Variants in SDC4 observed in about 807,000 individuals in gnomAD.
SDC4 encodes syndecan 4.
SDC4 carries 17 observed loss-of-function variants against 20.5 expected under a neutral mutation model. The observed-to-expected ratio is 0.83, with a 90% confidence interval of 0.57 to 1.25. SDC4 has a LOEUF of 1.25. Ranked by LOEUF, SDC4 falls within the 50% of genes most tolerant of loss-of-function variation. The pLI, the probability that SDC4 is intolerant of heterozygous loss-of-function variation, is 0.00. For synonymous variants in SDC4, 107 were observed against 105.3 expected (o/e 1.02, Z -0.10); for missense variants, 241 against 252.3 (o/e 0.96, Z 0.30).
At chr20:45,347,657 T>C (rs974364511) in intron 1 of SDC4, among the ~76,000 whole-genome samples, 1 of 152,068 alleles carries the variant, frequency 6.6e-6, no homozygotes, top group Non-Finnish European at 1.5e-5. Flanking sequence ...AAACCATTCC[T>C]CTCCTCTGTC....
At chr20:45,343,964 T>C (rs1406261632) in intron 1 of SDC4, among the ~76,000 whole-genome samples, 1 of 152,188 alleles carries the variant, frequency 6.6e-6, no homozygotes, top group African/African-American at 2.4e-5. Flanking sequence ...AGAGGTGGAC[T>C]TCGCACGTCT....
At chr20:45,343,221 G>A (rs1176394520) in intron 1 of SDC4, among the ~76,000 whole-genome samples, 1 of 152,142 alleles carries the variant, frequency 6.6e-6, no homozygotes, top group East Asian at 1.9e-4. Flanking sequence ...GGTTAAATGA[G>A]ACCCCAACTG....
chr20:45,333,086 G>T lies in SDC4; in HGVS notation c.200-17C>A. The T allele has an allele frequency of 6.2e-7, 1 of 1,613,732 alleles. No homozygotes were observed. The highest frequency in any genetic ancestry group is 8.5e-7 in the Non-Finnish European group (1 of 1,179,598). ...CCAAGTCATCTGTAAGGTCAGAATA[G>T]CTGTGTGAGTGAGGTCCATTACCCC... On this transcript the variant is annotated splice_polypyrimidine_tract_variant and intron_variant, in intron 2 of 4. Coordinates refer to ENST00000372733, the MANE Select transcript of SDC4 (RefSeq NM_002999.4).
chr20:45,336,473 T>C (rs1328766136), intron 1 of SDC4, among the ~76,000 whole-genome samples: 2 of 152,224 alleles, frequency 1.3e-5, no homozygotes, highest in Admixed American at 6.5e-5. Context: ...CTAGATATCC[T>C]TTACCGAGCA....
At chr20:45,337,135 G>A (rs566267590) in intron 1 of SDC4, among the ~76,000 whole-genome samples, 45 of 152,316 alleles carry the variant, frequency 3.0e-4, no homozygotes, top group African/African-American at 1.1e-3. Context: ...GCTCCACCGA[G>A]TGGGAACAAT....
At chr20:45,348,284 C>T (rs1318694201) in intron 1 of SDC4, 41 bp downstream of exon 1, 7 of 1,537,450 alleles carry the variant, frequency 4.6e-6, no homozygotes, top group Non-Finnish European at 3.5e-6. Flanking sequence ...CCGGCCTGCG[C>T]CCCCGCTTCG....
intron 1 of SDC4, among the ~76,000 whole-genome samples, chr20:45,340,433 G>A (rs1279791099): frequency 4.6e-5 from 7 of 152,022 alleles, no homozygotes; most frequent in East Asian, 1.9e-4. Flanking sequence ...TCAAGAACAC[G>A]TCCCAACCAC....
At position 45,330,496 on chromosome 20, in the gene SDC4, T is replaced by C. The variant is rs764348767; in HGVS notation, c.315A>G (p.Lys105=). The C allele has an allele frequency of 1.9e-6, 3 of 1,614,158 alleles. No homozygotes were observed. Among genetic ancestry groups the C allele is most frequent in the Non-Finnish European group, 2.5e-6 (3 of 1,180,032 alleles). The stretch of plus-strand genomic sequence containing the variant: ...TGGGGATAACCTCATTCTCCTCTAG[T>C]TTCTTGGGTTCGGTGGGGACTTGGC... ...SGSQVPTEPK[K]LEENEVIPKR... is the part of the protein sequence containing the mutation. Residue 105 remains lysine (K), a synonymous_variant, in exon 4 of 5, where the codon AAA becomes AAG. Coordinates refer to ENST00000372733, the MANE Select transcript of SDC4 (RefSeq NM_002999.4).
chr20:45,330,447 T>C lies in SDC4; in HGVS notation c.364A>G (p.Ser122Gly), dbSNP rs1987759490. ...IPKRISPVEE[S>G]EDVSNKVSMS... ...GACACCTTGTTGGACACATCCTCACTCTCTTCAACGGGTGAGATTCTCTTG... is the reference window on the plus strand; with the variant it reads ...GACACCTTGTTGGACACATCCTCACCCTCTTCAACGGGTGAGATTCTCTTG... The change falls in exon 4 of 5, where the codon AGT (serine) becomes GGT (glycine). Residue 122 changes from serine (S) to glycine (G), a missense_variant. Coordinates refer to ENST00000372733, the MANE Select transcript of SDC4 (RefSeq NM_002999.4). The C allele has an allele frequency of 1.9e-5, 30 of 1,614,144 alleles. No homozygotes were observed. The highest frequency in any genetic ancestry group is 2.5e-5 in the Non-Finnish European group (30 of 1,179,986).
intron 1 of SDC4, among the ~76,000 whole-genome samples, chr20:45,347,852 T>A (rs1456357654): frequency 6.6e-6 from 1 of 151,836 alleles, no homozygotes; most frequent in African/African-American, 2.4e-5. Context: ...CTCCTTGGTG[T>A]GTGAAAGAGG....
intron 2 of SDC4, among the ~76,000 whole-genome samples, chr20:45,334,396 T>C (rs1987829680): frequency 6.6e-6 from 1 of 152,206 alleles, no homozygotes; most frequent in Admixed American, 6.5e-5. Context: ...TGTGAGATGA[T>C]GGATATATTA....
intron 3 of SDC4, among the ~76,000 whole-genome samples, chr20:45,332,343 T>G (rs1987790867): frequency 6.6e-6 from 1 of 151,900 alleles, no homozygotes; most frequent in South Asian, 2.1e-4. Flanking sequence ...GTATTTTTAG[T>G]AGAGATAGGG....
At chr20:45,328,504 G>A (rs1987729104) in intron 4 of SDC4, among the ~76,000 whole-genome samples, 1 of 152,216 alleles carries the variant, frequency 6.6e-6, no homozygotes, top group Non-Finnish European at 1.5e-5. Context: ...AACAGGAGGT[G>A]CTTAATAAAT....
At position 45,325,369 on chromosome 20, in the gene SDC4, G is replaced by C. The variant is rs1319471602; in HGVS notation, c.*1895C>G. On this transcript the variant is annotated 3_prime_UTR_variant, in exon 5 of 5. Coordinates refer to ENST00000372733, the MANE Select transcript of SDC4 (RefSeq NM_002999.4). ...CAGTGTGAGAGGTGCCTACAGAGGA[G>C]GTGCTCACTCCAACACAGCCCAAGG... is the stretch of plus-strand genomic sequence containing the variant. The C allele has an allele frequency of 6.5e-6, 1 of 152,726 alleles. No individual in the cohort carries two copies. Among genetic ancestry groups the C allele is most frequent in the African/African-American group, 2.4e-5 (1 of 41,456 alleles). 9.5% of individuals were successfully genotyped at this position (152,726 alleles called of 1,614,324 possible).
At chr20:45,346,954 T>C (rs1334150890) in intron 1 of SDC4, among the ~76,000 whole-genome samples, 2 of 152,230 alleles carry the variant, frequency 1.3e-5, no homozygotes, top group Non-Finnish European at 2.9e-5. Context: ...ATTTATTGTG[T>C]ATTAACTGTG....
chr20:45,348,338 C>A lies in SDC4; in HGVS notation c.47G>T (p.Gly16Val), dbSNP rs1321574175. The change falls in exon 1 of 5, where the codon GGA (glycine) becomes GTA (valine). Residue 16 changes from glycine to valine, a missense_variant. By Grantham distance (109) the Gly-to-Val change is moderately radical. Coordinates refer to ENST00000372733, the MANE Select transcript of SDC4 (RefSeq NM_002999.4). Reference sequence around the variant, plus strand: ...CCAAGCACCCACCGACTCGGCGACTCCGCCTACGAAGAACAGCAGCAGCGC... The same window carrying A: ...CCAAGCACCCACCGACTCGGCGACTACGCCTACGAAGAACAGCAGCAGCGC... ...LFALLLFFVG[G>V]VAESIRETEV... 6.3e-7 allele frequency: 1 copy of A among 1,590,642 alleles called. No individual in the cohort carries two copies. The highest frequency in any genetic ancestry group is 1.8e-5 in the Admixed American group (1 of 57,092).
At chr20:45,336,742 G>A (rs1252632065) in intron 1 of SDC4, among the ~76,000 whole-genome samples, 7 of 152,086 alleles carry the variant, frequency 4.6e-5, no homozygotes, top group African/African-American at 1.7e-4. Context: ...GTCTTGCCCA[G>A]TCCAGGATAC....
intron 1 of SDC4, 89 bp downstream of exon 1, chr20:45,348,236 C>CT (rs758450214): frequency 2.5e-5 from 5 of 202,606 alleles, no homozygotes; most frequent in Non-Finnish European, 3.3e-5. Flanking sequence ...CCCCGATCTG[C>CT]CCCCCCCCAT....
At position 45,330,388 on chromosome 20, in the gene SDC4, A is replaced by G. The variant is rs1324444023; in HGVS notation, c.423T>C (p.Phe141=). ...TACCTGCCAGGACCTCCGTTCTCTC[A>G]AAGATGTTGCTGCCCTGCACAGTGC... ...MSSTVQGSNI[F]ERTEVLAALI... is the part of the protein sequence containing the mutation. Residue 141 remains phenylalanine, a synonymous_variant, in exon 4 of 5, where the codon TTT becomes TTC. Coordinates refer to ENST00000372733, the MANE Select transcript of SDC4 (RefSeq NM_002999.4). 3.1e-6 allele frequency: 5 copies of G among 1,614,034 alleles called. No homozygotes were observed. In the African/African-American group the frequency reaches 6.7e-5, roughly 22 times the overall value.
Sources: gnomAD v4.1 joint callset for allele counts (sites outside exome capture counted in the v4.1 genomes callset) on GRCh38, gnomAD v4.1.1 for gene constraint, MANE v1.5 for transcripts, NCBI Gene and HGNC (gene_info 2026-07-23, HGNC 2026-07-21) for gene names.